PTN: variants seen among roughly 807,000 people sequenced by gnomAD.
PTN encodes heparin affin regulatory protein.
A neutral mutation model predicts 24.1 loss-of-function variants in PTN; 18 were observed. The ratio of observed to expected loss-of-function variants is 0.75; its 90% confidence interval spans 0.52 to 1.11. PTN has a LOEUF of 1.11. Among genes scored for constraint, PTN ranks in the 50% least tolerant of loss-of-function variants. The probability of loss-of-function intolerance (pLI) is 0.00; values close to 1 mark genes in which losing one functional copy is unlikely to be tolerated. For synonymous variants in PTN, 78 were observed against 68.6 expected, an observed-to-expected ratio of 1.14 and a Z score of -0.67; for missense variants, 163 against 198.8, an observed-to-expected ratio of 0.82 and a Z score of 1.08.
At chr7:137,283,057 C>A (rs1809497761) in intron 1 of PTN, among the ~76,000 whole-genome samples, 1 of 152,120 alleles carries the variant, frequency 6.6e-6, no homozygotes, top group African/African-American at 2.4e-5. Context: ...CTGAAGGCTA[C>A]CCCCTCCACT....
At chr7:137,249,070 G>T (rs902353149) in intron 4 of PTN, among the ~76,000 whole-genome samples, 3 of 152,028 alleles carry the variant, frequency 2.0e-5, no homozygotes, top group African/African-American at 7.2e-5. Context: ...TCAGGTAAAA[G>T]GAAGACTTCA....
chr7:137,334,761 C>T (rs1810418324), intron 1 of PTN, among the ~76,000 whole-genome samples: 1 of 151,714 alleles, frequency 6.6e-6, no homozygotes, highest in East Asian at 1.9e-4. Context: ...TATCGCGGCA[C>T]TATTCACAAT....
chr7:137,333,205 C>G lies in PTN; in HGVS notation c.-2+10234G>C, dbSNP rs949856156. On this transcript the variant is annotated intron_variant, in intron 1 of 4. Coordinates refer to ENST00000348225, the MANE Select transcript of PTN (RefSeq NM_002825.7). ...TTGCTTCCTCTCTTTCTGTGTGATG[C>G]CTGCTCCCTTTCACCTTCCACCATG... is the stretch of plus-strand genomic sequence containing the variant. Among the ~76,000 whole-genome samples, 6 of 152,144 alleles carry G rather than the reference C, an allele frequency of 3.9e-5. No individual in the cohort carries two copies. In the East Asian group the frequency reaches 1.2e-3, roughly 29 times the overall value.
intron 1 of PTN, among the ~76,000 whole-genome samples, chr7:137,288,279 A>G (rs1474417782): frequency 6.6e-6 from 1 of 152,178 alleles, no homozygotes; most frequent in African/African-American, 2.4e-5. Flanking sequence ...CAGAAATTTT[A>G]TGATACAACA....
At chr7:137,234,080 C>G (rs1181458213) in intron 4 of PTN, among the ~76,000 whole-genome samples, 1 of 151,646 alleles carries the variant, frequency 6.6e-6, no homozygotes, top group East Asian at 1.9e-4. Flanking sequence ...CTTTCTATGA[C>G]TTTACTTAGG....
At chr7:137,234,414 T>C (rs1808484410) in intron 4 of PTN, among the ~76,000 whole-genome samples, 1 of 152,044 alleles carries the variant, frequency 6.6e-6, no homozygotes, top group Non-Finnish European at 1.5e-5. Flanking sequence ...AATTTATTTT[T>C]TGAAAGGAAG....
chr7:137,250,298 G>T (rs1808800845), intron 4 of PTN, among the ~76,000 whole-genome samples: 1 of 152,130 alleles, frequency 6.6e-6, no homozygotes, highest in Non-Finnish European at 1.5e-5. Flanking sequence ...CATCTGTAGG[G>T]CTGATTTCTT....
chr7:137,326,298 A>T (rs1465333613), intron 1 of PTN: 2 of 151,910 alleles, frequency 1.3e-5, no homozygotes, highest in Non-Finnish European at 2.9e-5. Context: ...TCTTACCCCA[A>T]ATCAGCTCTT....
At chr7:137,269,624 ATTTTTTTTT>A (rs869311084) in intron 1 of PTN, among the ~76,000 whole-genome samples, 57 of 63,008 alleles carry the variant, frequency 9.0e-4, no homozygotes, top group African/African-American at 3.8e-3. Context: ...TGCTTCATCT[ATTTTTTTTT>A]TTTTTTTTTT....
intron 1 of PTN, among the ~76,000 whole-genome samples, chr7:137,259,566 A>C (rs1808996624): frequency 6.6e-6 from 1 of 151,900 alleles, no homozygotes; most frequent in African/African-American, 2.4e-5. Flanking sequence ...TGCTGAATAA[A>C]ATTAGTGTAC....
intron 4 of PTN, 26 bp downstream of exon 4, chr7:137,251,204 A>G: frequency 6.2e-7 from 1 of 1,609,948 alleles, no homozygotes; most frequent in Non-Finnish European, 8.5e-7. Flanking sequence ...ATCCATTAAA[A>G]TTGTGGTATA....
At chr7:137,254,801 T>G in intron 2 of PTN, 58 bp downstream of exon 2, 1 of 1,179,464 alleles carries the variant, frequency 8.5e-7, no homozygotes, top group East Asian at 2.5e-5. Context: ...AAGCAGGTAA[T>G]TAGACTAGAT....
chr7:137,231,969 T>G (rs1441276907), intron 4 of PTN, among the ~76,000 whole-genome samples: 1 of 151,970 alleles, frequency 6.6e-6, no homozygotes, highest in African/African-American at 2.4e-5. Context: ...GGAGCAGGGC[T>G]ATAATTAGTT....
rs1366943397 is a variant in PTN at position 137,324,417 on chromosome 7, T to TAAAAAAAAAAAA, written c.-2+19010_-2+19021dup. ...GGGCAGCACAGCGAGACCCTGTCTCTAAAAAAAAAAAAAAAAATATATATA... is the reference window on the plus strand; with the variant it reads ...GGGCAGCACAGCGAGACCCTGTCTCTAAAAAAAAAAAAAAAAAAAAAAAAAAAAATATATATA... On this transcript the variant is annotated intron_variant, in intron 1 of 4. Transcript: ENST00000348225. Among the ~76,000 whole-genome samples the TAAAAAAAAAAAA allele has an allele frequency of 1.1e-4, 7 of 63,474 alleles. 2 individuals carry two copies. Among genetic ancestry groups the TAAAAAAAAAAAA allele is most frequent in the African/African-American group, 6.0e-4 (7 of 11,736 alleles). 41.6% of individuals were successfully genotyped at this position (63,474 alleles called of 152,430 possible). A position where few individuals can be genotyped will look rare whatever the true frequency, so the allele number is the denominator to read the frequency against.
chr7:137,262,989 C>T (rs889134854), intron 1 of PTN, among the ~76,000 whole-genome samples: 3 of 152,270 alleles, frequency 2.0e-5, no homozygotes, highest in Non-Finnish European at 2.9e-5. Context: ...GGGTCTCTCT[C>T]GTCCCTCATT....
chr7:137,304,343 C>T (rs1040266543), intron 1 of PTN, among the ~76,000 whole-genome samples: 1 of 151,854 alleles, frequency 6.6e-6, no homozygotes, highest in Admixed American at 6.6e-5. Context: ...TGCCTCCCAC[C>T]CTGCTGCTCT....
At chr7:137,235,294 C>T (rs17168999) in intron 4 of PTN, among the ~76,000 whole-genome samples, 12,340 of 152,070 alleles carry the variant, frequency 0.081, 782 homozygotes, top group East Asian at 0.33. Flanking sequence ...CTACCTAATC[C>T]CTCGCCCCAC....
chr7:137,337,512 A>G (rs1477298610), intron 1 of PTN, among the ~76,000 whole-genome samples: 1 of 152,222 alleles, frequency 6.6e-6, no homozygotes, highest in African/African-American at 2.4e-5. Context: ...TTATAGCTAC[A>G]TAGAAGTTAT....
At chr7:137,330,758 A>G (rs1270068142) in intron 1 of PTN, among the ~76,000 whole-genome samples, 1 of 152,148 alleles carries the variant, frequency 6.6e-6, no homozygotes, top group African/African-American at 2.4e-5. Context: ...TCTGAGAAAA[A>G]CAAGAAGAGG....
Sources: allele counts gnomAD v4.1 joint callset (sites outside exome capture counted in the v4.1 genomes callset), GRCh38; gene constraint gnomAD v4.1.1; transcripts MANE v1.5; gene names NCBI Gene and HGNC (gene_info 2026-07-23, HGNC 2026-07-21).